Variants in VARS1 observed in about 807,000 individuals in gnomAD.
The protein encoded by VARS1 is valyl-tRNA synthetase 1.
Under a neutral mutation model 161.0 loss-of-function variants are expected in VARS1, and 92 were observed. That is an observed-to-expected ratio of 0.57 (90% confidence interval 0.48 to 0.68). VARS1 has a LOEUF of 0.68. VARS1 is among the 30% of genes least tolerant of loss of function. The pLI is 0.00. For synonymous variants in VARS1, 595 were observed against 682.5 expected (o/e 0.87, Z 2.00); for missense variants, 1,338 against 1,695.9 (o/e 0.79, Z 3.71).
At chr6:31,790,994 C>G (rs887445490) in intron 8 of VARS1, among the ~76,000 whole-genome samples, 3 of 151,878 alleles carry the variant, frequency 2.0e-5, no homozygotes, top group Non-Finnish European at 4.4e-5. Flanking sequence ...AGAATATATT[C>G]ATATATTTTG....
rs1813401428 is a variant in VARS1 at position 31,784,910 on chromosome 6, T to C, written c.1348-196A>G. 6.6e-6 allele frequency among the ~76,000 whole-genome samples: 1 copy of C among 152,102 alleles called. No individual in the cohort carries two copies. Among genetic ancestry groups the C allele is most frequent in the Non-Finnish European group, 1.5e-5 (1 of 68,014 alleles). On this transcript the variant is annotated intron_variant, in intron 10 of 29. Transcript: ENST00000375663. The surrounding 1 kb of genome is among the most constrained non-coding windows in gnomAD (Gnocchi z 6.1). Reference sequence around the variant, plus strand: ...GAACACAAGAGCAGGCAACAAGCCTTGTAATGCTGCAGATGGCGAGGAAGA... The same window carrying C: ...GAACACAAGAGCAGGCAACAAGCCTCGTAATGCTGCAGATGGCGAGGAAGA...
Position 31,792,470 on chromosome 6 carries a change from T to C in VARS1, c.708A>G (p.Lys236=). The C allele has an allele frequency of 6.2e-7, 1 of 1,613,956 alleles. No individual in the cohort carries two copies. Among genetic ancestry groups the C allele is most frequent in the Non-Finnish European group, 8.5e-7 (1 of 1,179,998 alleles). The change falls in exon 5 of 30, where the codon AAA becomes AAG. Residue 236 remains lysine, a synonymous_variant. Transcript: ENST00000375663. ...ALPKTAAQLK[K]EAKKREKLEK... Reference sequence around the variant, plus strand: ...CTAGCTTCTCCCGTTTCTTTGCCTCTTTCTTGAGCTGAGCAGCTGTCTTTG... The same window carrying C: ...CTAGCTTCTCCCGTTTCTTTGCCTCCTTCTTGAGCTGAGCAGCTGTCTTTG...
chr6:31,782,227 C>A lies in VARS1; in HGVS notation c.2151-50G>T. 1 of 1,611,020 alleles carries A rather than the reference C, an allele frequency of 6.2e-7. No individual in the cohort carries two copies. The highest frequency in any genetic ancestry group is 8.5e-7 in the Non-Finnish European group (1 of 1,178,394). On this transcript the variant is annotated intron_variant, in intron 17 of 29. Transcript: ENST00000375663. The surrounding 1 kb of genome is among the most constrained non-coding windows in gnomAD (Gnocchi z 8.3). ...CAGGGAGGGCCTGATGGAGCCTGGC[C>A]CGAGTGAGCCCTGCTCAGCCCTCGG...
rs886394181 is a variant in VARS1, at chr6:31,779,617, C to T, written c.3279G>A (p.Glu1093=). The change falls in exon 27 of 30, where the codon GAG becomes GAA. Residue 1093 remains glutamate (E), a synonymous_variant. Transcript: ENST00000375663. This position sits in a 1 kb window ranked among gnomAD's most constrained non-coding sequence, Gnocchi z 9.1. ...CCAGGCCATGCCATACCTCTGAGGGCTCCGGGTAGGGGGTAACACAGAGGC... is the reference window on the plus strand; with the variant it reads ...CCAGGCCATGCCATACCTCTGAGGGTTCCGGGTAGGGGGTAACACAGAGGC... ...PPSLCVTPYP[E]PSECSWKDPE... The T allele has an allele frequency of 8.1e-6, 13 of 1,612,360 alleles. No homozygotes were observed. The highest frequency in any genetic ancestry group is 3.3e-4 in the Middle Eastern group (2 of 6,082).
intron 13 of VARS1, 52 bp from the exon 14 acceptor site, chr6:31,783,238 T>A: frequency 1.3e-6 from 2 of 1,574,120 alleles, no homozygotes; most frequent in South Asian, 1.1e-5. Flanking sequence ...GACGCCGTGA[T>A]TCCCACCTGT....
Position 31,780,694 on chromosome 6 carries a change from G to A in VARS1, c.2797+11C>T. ...AAGGAGTGGCTGGGAGGGACGCTTT[G>A]GGGGCCATACCCTGGGACATGTAGG... is the stretch of plus-strand genomic sequence containing the variant. On this transcript the variant is annotated intron_variant, in intron 24 of 29. Coordinates refer to ENST00000375663, the MANE Select transcript of VARS1 (RefSeq NM_006295.3). The surrounding 1 kb of genome is among the most constrained non-coding windows in gnomAD (Gnocchi z 5.1). 6.2e-7 allele frequency: 1 copy of A among 1,614,090 alleles called. No homozygotes were observed. Among genetic ancestry groups the A allele is most frequent in the Non-Finnish European group, 8.5e-7 (1 of 1,180,010 alleles).
chr6:31,789,166 C>T (rs1813710032), intron 8 of VARS1, among the ~76,000 whole-genome samples: 1 of 151,432 alleles, frequency 6.6e-6, no homozygotes, highest in Non-Finnish European at 1.5e-5. Flanking sequence ...TTACAATTAA[C>T]AGGAAAACTA....
At position 31,795,340 on chromosome 6, in the gene VARS1, C is replaced by A. The variant is rs1814209560; in HGVS notation, c.-33-90G>T. 1 of 897,776 alleles carries A rather than the reference C, an allele frequency of 1.1e-6. No individual in the cohort carries two copies. Among genetic ancestry groups the A allele is most frequent in the Admixed American group, 3.9e-5 (1 of 25,952 alleles). The allele number at this position is 897,776 out of a possible 1,614,324, so 55.6% of individuals were successfully genotyped here. ...GGGGACCCTCACGGGAGCTCCTTCG[C>A]CGCAGACACCCGAGTCCCATAGGAC... On this transcript the variant is annotated intron_variant, in intron 1 of 29. Coordinates refer to ENST00000375663, the MANE Select transcript of VARS1 (RefSeq NM_006295.3). The surrounding 1 kb of genome is among the most constrained non-coding windows in gnomAD (Gnocchi z 6.9).
intron 8 of VARS1, among the ~76,000 whole-genome samples, chr6:31,788,726 G>A (rs1462010324): frequency 6.6e-6 from 1 of 151,592 alleles, no homozygotes; most frequent in Non-Finnish European, 1.5e-5. Flanking sequence ...GGAGTATGCT[G>A]TGAACCTGGG....
intron 8 of VARS1, among the ~76,000 whole-genome samples, chr6:31,786,023 A>G (rs1813479148): frequency 6.6e-6 from 1 of 151,286 alleles, no homozygotes; most frequent in Non-Finnish European, 1.5e-5. Flanking sequence ...CACTTTGGGA[A>G]GCCGAGGTGG....
At position 31,782,835 on chromosome 6, in the gene VARS1, C is replaced by A; in HGVS notation, c.1773G>T (p.Lys591Asn). Residue 591 changes from lysine to asparagine, a missense_variant, in exon 15 of 30, where the codon AAG becomes AAT. Transcript: ENST00000375663. The surrounding 1 kb of genome is among the most constrained non-coding windows in gnomAD (Gnocchi z 8.3). ...CATTTTGGTCATGTGCGGGGGTGAT[C>A]TTCACAGCACCTGGGTGTACATCAG... ...VDMDFGTGAV[K>N]ITPAHDQNDY... 6.2e-7 allele frequency: 1 copy of A among 1,611,656 alleles called. No individual in the cohort carries two copies. Among genetic ancestry groups the A allele is most frequent in the South Asian group, 1.1e-5 (1 of 90,816 alleles).
intron 13 of VARS1, 23 bp from the exon 14 acceptor site, chr6:31,783,209 A>C (rs1813276645): frequency 6.2e-7 from 1 of 1,609,498 alleles, no homozygotes; most frequent in African/African-American, 1.3e-5. Flanking sequence ...AGATACCAAA[A>C]ACGCATGAAG....
rs1211000406 is a variant in VARS1 at position 31,785,778 on chromosome 6, G to A, written c.1101-45C>T. 2 of 1,553,990 alleles carry A rather than the reference G, an allele frequency of 1.3e-6. No individual in the cohort carries two copies. Among genetic ancestry groups the A allele is most frequent in the Non-Finnish European group, 1.7e-6 (2 of 1,159,132 alleles). On this transcript the variant is annotated intron_variant, in intron 8 of 29. Coordinates refer to ENST00000375663, the MANE Select transcript of VARS1 (RefSeq NM_006295.3). The surrounding 1 kb of genome is among the most constrained non-coding windows in gnomAD (Gnocchi z 6.1). The stretch of plus-strand genomic sequence containing the variant: ...ACCAGAGGGTGAGCCAGGCCAGTGG[G>A]GCCTGGCACCAAAGAAAGCAGAGGC...
Position 31,792,209 on chromosome 6 carries a change from C to T in VARS1, c.871+8G>A. Reference sequence around the variant, plus strand: ...GCTGAGGGGTGAGCCCCTTCCCACTCCTAGTACCTTTCTTTTCCCCGGGTG... The same window carrying T: ...GCTGAGGGGTGAGCCCCTTCCCACTTCTAGTACCTTTCTTTTCCCCGGGTG... On this transcript the variant is annotated splice_region_variant and intron_variant, in intron 6 of 29. Coordinates refer to ENST00000375663, the MANE Select transcript of VARS1 (RefSeq NM_006295.3). The T allele has an allele frequency of 1.9e-6, 3 of 1,613,472 alleles. No individual in the cohort carries two copies. The highest frequency in any genetic ancestry group is 2.2e-5 in the South Asian group (2 of 91,046).
At chr6:31,783,424 T>G (rs1041100770) in intron 13 of VARS1, among the ~76,000 whole-genome samples, 2 of 152,086 alleles carry the variant, frequency 1.3e-5, no homozygotes, top group African/African-American at 2.4e-5. Flanking sequence ...GCACAAGTAC[T>G]GCTTGAACCC....
In VARS1 at chr6:31,791,635, C is replaced by T. The variant is rs1346037848; in HGVS notation, c.1075G>A (p.Ala359Thr). ...CATCGAGTCAGGGAGTCCTGGATGGCGTTGGTGAGTGCATGGCCCAGGTGC... is the reference window on the plus strand; with the variant it reads ...CATCGAGTCAGGGAGTCCTGGATGGTGTTGGTGAGTGCATGGCCCAGGTGC... ...SLHLGHALTN[A>T]IQDSLTRWHR... The change falls in exon 8 of 30, where the codon GCC becomes ACC. Residue 359 changes from alanine (A) to threonine (T), a missense_variant. By Grantham distance (58) the Ala-to-Thr change is moderately conservative. This residue lies in a region of VARS1 where 902 missense variants were observed against 1,090.3 expected (regional missense o/e 0.83). Coordinates refer to ENST00000375663, the MANE Select transcript of VARS1 (RefSeq NM_006295.3). This position sits in a 1 kb window ranked among gnomAD's most constrained non-coding sequence, Gnocchi z 5.0. 10 of 1,612,172 alleles carry T rather than the reference C, an allele frequency of 6.2e-6. No individual in the cohort carries two copies. The highest frequency in any genetic ancestry group is 2.2e-5 in the East Asian group (1 of 44,892).
In VARS1 at chr6:31,785,578, CA is replaced by C. The variant is rs1562303706; in HGVS notation, c.1255del (p.Trp419GlyfsTer13). The C allele has an allele frequency of 6.2e-7, 1 of 1,608,744 alleles. No homozygotes were observed. Among genetic ancestry groups the C allele is most frequent in the Non-Finnish European group, 8.5e-7 (1 of 1,178,022 alleles). ...REAFLQEVWK[W>X]KEEKGDRIYH... is the part of the protein sequence containing the mutation. ...GATGCTGCATACTCACTCCTCCTTC[CA>C]CTTCCAGACTTCCTGTAGAAAGGCC... On this transcript the variant is annotated frameshift_variant, in exon 9 of 30. Transcript: ENST00000375663. LOFTEE classifies it high-confidence loss of function. This position sits in a 1 kb window ranked among gnomAD's most constrained non-coding sequence, Gnocchi z 6.1.
chr6:31,791,026 C>T lies in VARS1; in HGVS notation c.1100+584G>A. 6.6e-6 allele frequency among the ~76,000 whole-genome samples: 1 copy of T among 152,082 alleles called. No homozygotes were observed. Among genetic ancestry groups the T allele is most frequent in the African/African-American group, 2.4e-5 (1 of 41,420 alleles). On this transcript the variant is annotated intron_variant, in intron 8 of 29. Coordinates refer to ENST00000375663, the MANE Select transcript of VARS1 (RefSeq NM_006295.3). The surrounding 1 kb of genome is among the most constrained non-coding windows in gnomAD (Gnocchi z 5.0). ...TTTGGTCAGTTGTGGTGGCGCATTC[C>T]TGTAATCCCAGCTACTTGGGAGGCT... is the stretch of plus-strand genomic sequence containing the variant.
rs1812919971 is a variant in VARS1, at chr6:31,778,922, T to G, written c.3726+45A>C. The G allele has an allele frequency of 1.2e-6, 2 of 1,610,952 alleles. No homozygotes were observed. Among genetic ancestry groups the G allele is most frequent in the African/African-American group, 2.7e-5 (2 of 74,874 alleles). On this transcript the variant is annotated intron_variant, in intron 29 of 29. Coordinates refer to ENST00000375663, the MANE Select transcript of VARS1 (RefSeq NM_006295.3). This position sits in a 1 kb window ranked among gnomAD's most constrained non-coding sequence, Gnocchi z 5.1. Reference sequence around the variant, plus strand: ...GGACCAGCCCAGACCAGGGTTTTGATGGAGGAAGGGGATGGTGTGGGAAAT... The same window carrying G: ...GGACCAGCCCAGACCAGGGTTTTGAGGGAGGAAGGGGATGGTGTGGGAAAT...
Sources: gnomAD v4.1 joint callset for allele counts (sites outside exome capture counted in the v4.1 genomes callset) on GRCh38, gnomAD v4.1.1 for gene constraint, gnomAD v4.1.1 regional missense constraint, Gnocchi (gnomAD v3.1) non-coding constraint, MANE v1.5 for transcripts, NCBI Gene and HGNC (gene_info 2026-07-23, HGNC 2026-07-21) for gene names.